CDH4: variants seen among roughly 807,000 people sequenced by gnomAD.
The protein encoded by CDH4 is cadherin-4.
CDH4 carries 33 observed loss-of-function variants against 86.0 expected under a neutral mutation model. The observed-to-expected ratio is 0.38, with a 90% CI of 0.29 to 0.51. The LOEUF is 0.51. Among genes scored for constraint, CDH4 ranks in the 20% least tolerant of loss-of-function variants. The probability of loss-of-function intolerance (pLI) is 0.86; values close to 1 mark genes in which losing one functional copy is unlikely to be tolerated. For synonymous variants in CDH4, 555 were observed against 549.4 expected (o/e 1.01, Z -0.14); for missense variants, 1,114 against 1,307.4 (o/e 0.85, Z 2.28).
At chr20:61,403,469 T>A (rs2085061536) in intron 2 of CDH4, among the ~76,000 whole-genome samples, 3 of 152,110 alleles carry the variant, frequency 2.0e-5, no homozygotes, top group Admixed American at 1.3e-4. Flanking sequence ...AGGTCTACGG[T>A]CCCCTCTCTA....
At chr20:61,806,243 C>A (rs894652630) in intron 4 of CDH4, among the ~76,000 whole-genome samples, 11 of 152,186 alleles carry the variant, frequency 7.2e-5, no homozygotes, top group African/African-American at 2.2e-4. Flanking sequence ...GGCCTGCCTG[C>A]CTGACTGGTT....
In CDH4 at chr20:61,940,454, C is replaced by CA. The variant is rs398061560; in HGVS notation, c.*3522dup. On this transcript the variant is annotated 3_prime_UTR_variant, in exon 16 of 16. Coordinates refer to ENST00000614565, the MANE Select transcript of CDH4 (RefSeq NM_001794.5). ...TATTGTTGTTTGTATCATTTTGTAC[C>CA]AAAAAAAAAAAGGAAAAAAAAAGGG... The CA allele has an allele frequency of 3.4e-3, 459 of 135,674 alleles. 1 individual carries two copies. Among genetic ancestry groups the CA allele is most frequent in the African/African-American group, 9.2e-3 (338 of 36,816 alleles). The allele number at this position is 135,674 out of a possible 1,614,324, so 8.4% of individuals were successfully genotyped here.
chr20:61,718,654 A>G (rs1470533287), intron 2 of CDH4: 7 of 385,802 alleles, frequency 1.8e-5, no homozygotes, highest in East Asian at 7.3e-5. Flanking sequence ...TCAATGGGAC[A>G]TTAACTTGAA....
At chr20:61,645,878 G>A (rs1027597965) in intron 2 of CDH4, among the ~76,000 whole-genome samples, 2 of 152,168 alleles carry the variant, frequency 1.3e-5, no homozygotes, top group African/African-American at 2.4e-5. Context: ...TGACCCCAGA[G>A]TTAGTCCTGC....
chr20:61,565,167 ATGGGGTGG>A (rs1273434250), intron 2 of CDH4, among the ~76,000 whole-genome samples: 1 of 79,718 alleles, frequency 1.3e-5, no homozygotes, highest in Non-Finnish European at 2.4e-5. Flanking sequence ...CCTCTTGGTG[ATGGGGTGG>A]TGGTGGTGGT....
chr20:61,652,379 C>G (rs1302311988), intron 2 of CDH4, among the ~76,000 whole-genome samples: 1 of 152,186 alleles, frequency 6.6e-6, no homozygotes. Context: ...TTAGCAGTAA[C>G]CATGCACACC....
At chr20:61,411,787 C>T (rs1272249632) in intron 2 of CDH4, among the ~76,000 whole-genome samples, 3 of 152,232 alleles carry the variant, frequency 2.0e-5, no homozygotes, top group South Asian at 2.1e-4. Context: ...CACTGTGGGC[C>T]GATCAGAGTG....
intron 2 of CDH4, among the ~76,000 whole-genome samples, chr20:61,634,375 G>T (rs1455904994): frequency 6.6e-6 from 1 of 152,194 alleles, no homozygotes; most frequent in Admixed American, 6.5e-5. Flanking sequence ...GCTCGGGGTA[G>T]GTGCCTAACA....
chr20:61,459,816 G>A (rs2085431783), intron 2 of CDH4, among the ~76,000 whole-genome samples: 1 of 151,910 alleles, frequency 6.6e-6, no homozygotes, highest in Non-Finnish European at 1.5e-5. Flanking sequence ...TTCGCAGCCC[G>A]AGTTAAGGAC....
At chr20:61,425,631 G>A (rs902687068) in intron 2 of CDH4, among the ~76,000 whole-genome samples, 3 of 152,382 alleles carry the variant, frequency 2.0e-5, no homozygotes, top group Admixed American at 6.5e-5. Flanking sequence ...GGGCGGCAGC[G>A]CACAGAAACC....
intron 7 of CDH4, among the ~76,000 whole-genome samples, chr20:61,883,544 C>T (rs760859679): frequency 2.6e-5 from 4 of 152,196 alleles, no homozygotes; most frequent in Admixed American, 6.5e-5. Flanking sequence ...TTGGGAAAAG[C>T]TTCCCCAGAG....
intron 2 of CDH4, among the ~76,000 whole-genome samples, chr20:61,631,640 T>C (rs2086889722): frequency 6.6e-6 from 1 of 152,002 alleles, no homozygotes; most frequent in South Asian, 2.1e-4. Flanking sequence ...CAAAACTCCA[T>C]CTCTAAAAAA....
At chr20:61,337,167 T>C (rs1334653389) in intron 2 of CDH4, among the ~76,000 whole-genome samples, 1 of 150,922 alleles carries the variant, frequency 6.6e-6, no homozygotes, top group Admixed American at 6.6e-5. Flanking sequence ...GGCAGCCACA[T>C]CCCATGGATA....
chr20:61,792,201 T>A (rs1397013918), intron 4 of CDH4, among the ~76,000 whole-genome samples: 2 of 152,014 alleles, frequency 1.3e-5, no homozygotes, highest in Non-Finnish European at 1.5e-5. Flanking sequence ...CCCAGAGGAC[T>A]TAGGGAGAGG....
At chr20:61,289,262 C>A (rs6071569) in intron 2 of CDH4, among the ~76,000 whole-genome samples, 1 of 151,992 alleles carries the variant, frequency 6.6e-6, no homozygotes. Flanking sequence ...GCTGTCAGCA[C>A]GCTCCCTCAG....
At chr20:61,828,311 T>C (rs1981420121) in intron 4 of CDH4, among the ~76,000 whole-genome samples, 1 of 151,950 alleles carries the variant, frequency 6.6e-6, no homozygotes, top group Non-Finnish European at 1.5e-5. Context: ...AGTATTTGCC[T>C]CCCCCCATTA....
chr20:61,507,313 CGTG>C (rs1156563689), intron 2 of CDH4, among the ~76,000 whole-genome samples: 1 of 152,172 alleles, frequency 6.6e-6, no homozygotes, highest in Non-Finnish European at 1.5e-5. Flanking sequence ...CTTCAGATAA[CGTG>C]GTGTTAAATT....
intron 4 of CDH4, among the ~76,000 whole-genome samples, chr20:61,776,413 A>C (rs950631218): frequency 1.3e-5 from 2 of 152,148 alleles, no homozygotes; most frequent in African/African-American, 4.8e-5. Flanking sequence ...AAAAGCTGCA[A>C]ATTCCGTGCT....
At chr20:61,368,123 C>G (rs1306051924) in intron 2 of CDH4, among the ~76,000 whole-genome samples, 1 of 152,218 alleles carries the variant, frequency 6.6e-6, no homozygotes, top group East Asian at 1.9e-4. Context: ...CCCGCCTCGG[C>G]CTCCCAAAGT....
Sources: gnomAD v4.1 joint callset for allele counts (sites outside exome capture counted in the v4.1 genomes callset) on GRCh38, gnomAD v4.1.1 for gene constraint, MANE v1.5 for transcripts, NCBI Gene and HGNC (gene_info 2026-07-23, HGNC 2026-07-21) for gene names.